The following LGI3 variants were observed in gnomAD, a reference collection of about 807,000 sequenced individuals.
The protein encoded by LGI3 is leucine-rich repeat LGI family member 3.
Under a neutral mutation model 55.4 loss-of-function variants are expected in LGI3, and 47 were observed. That is an observed-to-expected ratio of 0.85 (90% CI 0.67 to 1.08). LGI3 has a LOEUF of 1.08. Ranked by LOEUF, LGI3 falls within the 50% of genes least tolerant of loss-of-function variation. The pLI is 0.00. For synonymous variants in LGI3, 326 were observed against 315.0 expected (o/e 1.04, Z -0.37); for missense variants, 664 against 726.3 (o/e 0.91, Z 0.99).
chr8:22,154,115 C>A, intron 4 of LGI3, 27 bp downstream of exon 4: 1 of 1,611,772 alleles, frequency 6.2e-7, no homozygotes, highest in Non-Finnish European at 8.5e-7. Context: ...GGCTTTGGTG[C>A]AGTGTGTGTA....
intron 5 of LGI3, among the ~76,000 whole-genome samples, chr8:22,153,647 C>T (rs1252114309): frequency 1.3e-5 from 2 of 151,360 alleles, no homozygotes; most frequent in Non-Finnish European, 2.9e-5. Context: ...GTGGAGGTTG[C>T]AGTGAGCCGA....
Position 22,148,011 on chromosome 8 carries a change from G to C in LGI3, c.*149C>G. ...CACGTCCTCCTGGGCCAGTCCACGG[G>C]GTGCGCCTGTACACACTGGGCGTGT... On this transcript the variant is annotated 3_prime_UTR_variant, in exon 8 of 8. Transcript: ENST00000306317. The surrounding 1 kb of genome is among the most constrained non-coding windows in gnomAD (Gnocchi z 7.0). 1 of 682,976 alleles carries C rather than the reference G, an allele frequency of 1.5e-6. No individual in the cohort carries two copies. Among genetic ancestry groups the C allele is most frequent in the South Asian group, 1.8e-5 (1 of 54,574 alleles). The allele number at this position is 682,976 out of a possible 1,614,324, so 42.3% of individuals were successfully genotyped here. A position where few individuals can be genotyped will look rare whatever the true frequency, so the allele number is the denominator to read the frequency against.
rs1481549526 is a variant in LGI3 at position 22,156,495 on chromosome 8, C to G, written c.48G>C (p.Ala16=). The change falls in exon 1 of 8, where the codon GCG becomes GCC. Residue 16 remains alanine (A), a synonymous_variant. Transcript: ENST00000306317. ...ARGGPGPGLL[A]LSALGFCLML... ...TGAGGCAGAAGCCGAGCGCGGAGAG[C>G]GCCAGCAGCCCCGGCCCCGGGCCCC... 5 of 1,412,112 alleles carry G rather than the reference C, an allele frequency of 3.5e-6. No individual in the cohort carries two copies. The highest frequency in any genetic ancestry group is 4.6e-6 in the Non-Finnish European group (5 of 1,083,394). 87.5% of individuals were successfully genotyped at this position (1,412,112 alleles called of 1,614,324 possible).
chr8:22,150,434 C>T (rs889445227), intron 7 of LGI3, among the ~76,000 whole-genome samples: 3 of 144,230 alleles, frequency 2.1e-5, no homozygotes, highest in Non-Finnish European at 1.5e-5. Context: ...TCTTGGCTCG[C>T]TGCAAGCTCT....
At chr8:22,149,771 C>G (rs1315812193) in intron 7 of LGI3, among the ~76,000 whole-genome samples, 1 of 152,128 alleles carries the variant, frequency 6.6e-6, no homozygotes, top group Non-Finnish European at 1.5e-5. Flanking sequence ...ATGACCCCAC[C>G]TTTCCCCCAA....
At chr8:22,150,206 G>C (rs990801651) in intron 7 of LGI3, among the ~76,000 whole-genome samples, 8 of 152,286 alleles carry the variant, frequency 5.3e-5, no homozygotes, top group African/African-American at 1.9e-4. Context: ...ATTCACCAGG[G>C]AAACACTCTG....
chr8:22,149,869 AC>A (rs1272966143), intron 7 of LGI3, among the ~76,000 whole-genome samples: 1 of 151,358 alleles, frequency 6.6e-6, no homozygotes, highest in Non-Finnish European at 1.5e-5. Flanking sequence ...GATGCTAATG[AC>A]CCCCATGCCA....
Position 22,147,904 on chromosome 8 carries a change from G to T in LGI3, c.*256C>A. The stretch of plus-strand genomic sequence containing the variant: ...GCATGGGAAAGGCTGCAGAGTAGGG[G>T]GGGCCTGCAGTTGGGGTCACGGGAA... On this transcript the variant is annotated 3_prime_UTR_variant, in exon 8 of 8. Coordinates refer to ENST00000306317, the MANE Select transcript of LGI3 (RefSeq NM_139278.4). 1 of 488,680 alleles carries T rather than the reference G, an allele frequency of 2.0e-6. No homozygotes were observed. 30.3% of individuals were successfully genotyped at this position (488,680 alleles called of 1,614,324 possible).
intron 1 of LGI3, among the ~76,000 whole-genome samples, chr8:22,155,872 G>A (rs1827486724): frequency 6.6e-6 from 1 of 152,256 alleles, no homozygotes; most frequent in African/African-American, 2.4e-5. Flanking sequence ...CCTGAGGCTG[G>A]CTGTTGTGAG....
chr8:22,150,125 C>T (rs189004515), intron 7 of LGI3, among the ~76,000 whole-genome samples: 3 of 152,306 alleles, frequency 2.0e-5, no homozygotes, highest in Admixed American at 2.0e-4. Context: ...CAAGTCCCAA[C>T]AACCTTCCCT....
At chr8:22,154,463 C>T (rs143817200) in intron 3 of LGI3, 97 bp downstream of exon 3, 19 of 1,077,624 alleles carry the variant, frequency 1.8e-5, no homozygotes, top group African/African-American at 1.2e-4. Context: ...TCCCTTCCTG[C>T]GGCATTCTCA....
intron 7 of LGI3, among the ~76,000 whole-genome samples, chr8:22,150,163 T>C (rs1827358704): frequency 6.6e-6 from 1 of 152,132 alleles, no homozygotes; most frequent in Non-Finnish European, 1.5e-5. Flanking sequence ...TGTATGTAGA[T>C]TGGTGTTAGT....
Position 22,148,887 on chromosome 8 carries a change from T to G in LGI3, c.920A>C (p.His307Pro). 6.2e-7 allele frequency: 1 copy of G among 1,614,040 alleles called. No homozygotes were observed. The highest frequency in any genetic ancestry group is 8.5e-7 in the Non-Finnish European group (1 of 1,180,004). Residue 307 changes from histidine to proline, a missense_variant, in exon 8 of 8, where the codon CAC becomes CCC. Physicochemically the swap from His to Pro is moderately conservative, Grantham distance 77. Coordinates refer to ENST00000306317, the MANE Select transcript of LGI3 (RefSeq NM_139278.4). The surrounding 1 kb of genome is among the most constrained non-coding windows in gnomAD (Gnocchi z 7.0). ...GAAGCGCGTGGTGTTGGGATCCCAG[T>G]GGTAAATGTAAGAGCCGCCAAACAG... ...AQLFGGSYIY[H>P]WDPNTTRFTR...
intron 5 of LGI3, among the ~76,000 whole-genome samples, chr8:22,152,560 G>A (rs1257539900): frequency 2.0e-5 from 3 of 151,796 alleles, no homozygotes; most frequent in African/African-American, 7.3e-5. Context: ...TGGGCAACGT[G>A]GTGAAATCCC....
chr8:22,151,518 C>G lies in LGI3; in HGVS notation c.800G>C (p.Arg267Pro). ...GATTCTATCATAGTCTCGAAGCTGC[C>G]GCTCAACATAGTCCCACTTCAGGAT... is the stretch of plus-strand genomic sequence containing the variant. ...CTILKWDYVE[R>P]QLRDYDRIPA... Residue 267 changes from arginine (R) to proline (P), a missense_variant, in exon 7 of 8, where the codon CGG (arginine) becomes CCG (proline). Coordinates refer to ENST00000306317, the MANE Select transcript of LGI3 (RefSeq NM_139278.4). 1 of 1,614,078 alleles carries G rather than the reference C, an allele frequency of 6.2e-7. No homozygotes were observed. The highest frequency in any genetic ancestry group is 1.3e-5 in the African/African-American group (1 of 75,020).
intron 1 of LGI3, 78 bp downstream of exon 1, chr8:22,156,259 G>A: frequency 6.8e-7 from 1 of 1,465,328 alleles, no homozygotes; most frequent in Non-Finnish European, 9.4e-7. Context: ...GGGGAGCGGG[G>A]GTTCTCCTGT....
chr8:22,148,895 G>A lies in LGI3; in HGVS notation c.912C>T (p.Tyr304=), dbSNP rs1827342749. Residue 304 remains tyrosine (Y), a synonymous_variant, in exon 8 of 8, where the codon TAC becomes TAT. Coordinates refer to ENST00000306317, the MANE Select transcript of LGI3 (RefSeq NM_139278.4). This position sits in a 1 kb window ranked among gnomAD's most constrained non-coding sequence, Gnocchi z 7.0. ...VVVAQLFGGS[Y]IYHWDPNTTR... is the part of the protein sequence containing the mutation. ...TGGTGTTGGGATCCCAGTGGTAAATGTAAGAGCCGCCAAACAGCTGGGCCA... is the reference window on the plus strand; with the variant it reads ...TGGTGTTGGGATCCCAGTGGTAAATATAAGAGCCGCCAAACAGCTGGGCCA... 4 of 1,614,164 alleles carry A rather than the reference G, an allele frequency of 2.5e-6. No individual in the cohort carries two copies. Among genetic ancestry groups the A allele is most frequent in the South Asian group, 1.1e-5 (1 of 91,076 alleles).
intron 3 of LGI3, 25 bp from the exon 4 acceptor site, chr8:22,154,238 A>T: frequency 6.3e-7 from 1 of 1,599,496 alleles, no homozygotes; most frequent in Non-Finnish European, 8.6e-7. Flanking sequence ...AACTTGCCTC[A>T]GTGCTCACAC....
chr8:22,154,329 G>A (rs1827458412), intron 3 of LGI3, 116 bp from the exon 4 acceptor site: 11 of 926,194 alleles, frequency 1.2e-5, no homozygotes, highest in Non-Finnish European at 1.9e-5. Flanking sequence ...GTTTCCAAAT[G>A]GAGTCTGGCA....
Sources: allele counts gnomAD v4.1 joint callset (sites outside exome capture counted in the v4.1 genomes callset), GRCh38; gene constraint gnomAD v4.1.1; non-coding constraint Gnocchi (gnomAD v3.1); transcripts MANE v1.5; gene names NCBI Gene and HGNC (gene_info 2026-07-23, HGNC 2026-07-21).